The following RALGAPA2 variants were observed in gnomAD, a reference collection of about 807,000 sequenced individuals.
The protein encoded by RALGAPA2 is ral GTPase-activating protein subunit alpha-2.
In RALGAPA2, 139 loss-of-function variants were observed where a neutral mutation model predicts 230.4. The observed-to-expected ratio is 0.60, with a 90% confidence interval of 0.53 to 0.69. The LOEUF is 0.69. RALGAPA2 is among the 30% of genes least tolerant of loss of function. RALGAPA2 has a pLI of 0.00. For missense variants in RALGAPA2, 2,163 were observed against 2,276.0 expected, an observed-to-expected ratio of 0.95 and a Z score of 1.01; for synonymous variants, 847 against 837.8, an observed-to-expected ratio of 1.01 and a Z score of -0.19.
chr20:20,708,115 A>C (rs1475471054), intron 1 of RALGAPA2, among the ~76,000 whole-genome samples: 5 of 152,206 alleles, frequency 3.3e-5, no homozygotes, highest in African/African-American at 9.6e-5. Context: ...TGTAAAAAAT[A>C]CTGATAGCAT....
At chr20:20,638,642 T>G (rs2066934259) in intron 7 of RALGAPA2, among the ~76,000 whole-genome samples, 1 of 152,170 alleles carries the variant, frequency 6.6e-6, no homozygotes, top group African/African-American at 2.4e-5. Flanking sequence ...CTGGATACTC[T>G]GTTGATTTTC....
intron 37 of RALGAPA2, among the ~76,000 whole-genome samples, chr20:20,417,194 T>C (rs1284644451): frequency 6.6e-6 from 1 of 152,204 alleles, no homozygotes; most frequent in Non-Finnish European, 1.5e-5. Flanking sequence ...GTGTAAAAGG[T>C]TGAAAACCTC....
chr20:20,399,375 G>C (rs1193161022), intron 38 of RALGAPA2, among the ~76,000 whole-genome samples: 1 of 149,450 alleles, frequency 6.7e-6, no homozygotes, highest in African/African-American at 2.5e-5. Flanking sequence ...TGTGACACTA[G>C]GTTATAGGGT....
At chr20:20,401,929 T>C (rs1401479592) in intron 38 of RALGAPA2, among the ~76,000 whole-genome samples, 4 of 152,242 alleles carry the variant, frequency 2.6e-5, no homozygotes, top group African/African-American at 4.8e-5. Context: ...ACTGTATAAA[T>C]TGTACAGGCC....
chr20:20,629,297 TCATTTC>T (rs1375619052), intron 10 of RALGAPA2, 60 bp downstream of exon 10: 12 of 1,344,790 alleles, frequency 8.9e-6, no homozygotes, highest in Middle Eastern at 2.0e-4. Flanking sequence ...TGAAACAAAA[TCATTTC>T]CATTTCAAGA....
At chr20:20,532,747 A>G (rs2063398615) in intron 26 of RALGAPA2, among the ~76,000 whole-genome samples, 1 of 152,222 alleles carries the variant, frequency 6.6e-6, no homozygotes, top group African/African-American at 2.4e-5. Flanking sequence ...AGTCATAGAG[A>G]GAATAGGCCC....
At chr20:20,553,049 TG>T (rs2063974236) in intron 23 of RALGAPA2, among the ~76,000 whole-genome samples, 1 of 152,220 alleles carries the variant, frequency 6.6e-6, no homozygotes, top group Non-Finnish European at 1.5e-5. Flanking sequence ...AGGACAAAGC[TG>T]AAAATTACTT....
At chr20:20,555,661 C>T (rs1413210092) in intron 23 of RALGAPA2, among the ~76,000 whole-genome samples, 1 of 152,122 alleles carries the variant, frequency 6.6e-6, no homozygotes, top group Non-Finnish European at 1.5e-5. Flanking sequence ...CTTTTTGATG[C>T]TATTGTAAAT....
At chr20:20,454,835 T>G (rs183106047) in intron 37 of RALGAPA2, among the ~76,000 whole-genome samples, 1 of 152,366 alleles carries the variant, frequency 6.6e-6, no homozygotes, top group Non-Finnish European at 1.5e-5. Flanking sequence ...CTTCAGTTAC[T>G]GGCATTTCAA....
At chr20:20,453,254 AG>A (rs1273164997) in intron 37 of RALGAPA2, among the ~76,000 whole-genome samples, 2 of 152,250 alleles carry the variant, frequency 1.3e-5, no homozygotes, top group African/African-American at 4.8e-5. Context: ...CCAAGAGGAC[AG>A]CTCCAAGCAG....
intron 36 of RALGAPA2, among the ~76,000 whole-genome samples, chr20:20,479,374 A>G (rs967851307): frequency 2.0e-5 from 3 of 152,200 alleles, no homozygotes; most frequent in Admixed American, 6.5e-5. Context: ...ACTTATGAAC[A>G]TGCATACAAA....
chr20:20,699,034 T>A (rs2069235425), intron 1 of RALGAPA2, among the ~76,000 whole-genome samples: 1 of 152,258 alleles, frequency 6.6e-6, no homozygotes, highest in Non-Finnish European at 1.5e-5. Flanking sequence ...GAATAAACAC[T>A]GAAAACATTC....
At chr20:20,648,260 T>A (rs757601650) in intron 4 of RALGAPA2, among the ~76,000 whole-genome samples, 1 of 152,174 alleles carries the variant, frequency 6.6e-6, no homozygotes, top group Non-Finnish European at 1.5e-5. Context: ...TACTTCATGA[T>A]TCTACTTATG....
At chr20:20,593,130 TG>T (rs2065344864) in intron 16 of RALGAPA2, among the ~76,000 whole-genome samples, 1 of 152,220 alleles carries the variant, frequency 6.6e-6, no homozygotes, top group Non-Finnish European at 1.5e-5. Context: ...TTGCCTAGGC[TG>T]GTCTCAAGTA....
chr20:20,509,556 G>A (rs1291222146), intron 33 of RALGAPA2, among the ~76,000 whole-genome samples: 1 of 152,190 alleles, frequency 6.6e-6, no homozygotes, highest in Non-Finnish European at 1.5e-5. Flanking sequence ...AATCAGGTTT[G>A]GAACAGCCAT....
At chr20:20,518,005 T>C (rs571167331) in intron 31 of RALGAPA2, among the ~76,000 whole-genome samples, 1 of 152,108 alleles carries the variant, frequency 6.6e-6, no homozygotes, top group South Asian at 2.1e-4. Context: ...ATTCAGAAGG[T>C]TGATTATTAA....
At chr20:20,615,451 C>T (rs1015497254) in intron 13 of RALGAPA2, among the ~76,000 whole-genome samples, 1 of 151,886 alleles carries the variant, frequency 6.6e-6, no homozygotes, top group Admixed American at 6.6e-5. Flanking sequence ...CATGAGCTAC[C>T]GCACCTGGCT....
chr20:20,625,080 T>C (rs1030417499), intron 10 of RALGAPA2, among the ~76,000 whole-genome samples: 4 of 152,172 alleles, frequency 2.6e-5, no homozygotes, highest in Admixed American at 1.3e-4. Context: ...TCTGTCTGCC[T>C]ATTGGTCTAT....
intron 37 of RALGAPA2, among the ~76,000 whole-genome samples, chr20:20,434,894 C>A (rs911169288): frequency 2.6e-5 from 4 of 152,132 alleles, no homozygotes; most frequent in Non-Finnish European, 5.9e-5. Context: ...TGTGATTGCA[C>A]CACTGCACTC....
Sources: allele counts gnomAD v4.1 joint callset (sites outside exome capture counted in the v4.1 genomes callset), GRCh38; gene constraint gnomAD v4.1.1; transcripts MANE v1.5; gene names NCBI Gene and HGNC (gene_info 2026-07-23, HGNC 2026-07-21).